The following NEDD1 variants were observed in gnomAD, a reference collection of about 807,000 sequenced individuals.
NEDD1 encodes NEDD1 gamma-tubulin ring complex targeting factor.
NEDD1 carries 33 observed loss-of-function variants against 74.0 expected under a neutral mutation model. That is an observed-to-expected ratio of 0.45 (90% CI 0.34 to 0.60). The LOEUF (loss-of-function observed/expected upper bound fraction) is 0.60. Among genes scored for constraint, NEDD1 ranks in the 20% least tolerant of loss-of-function variants. The pLI is 0.01. For missense variants in NEDD1, 746 were observed against 776.5 expected (o/e 0.96, Z 0.47); for synonymous variants, 250 against 264.4 (o/e 0.95, Z 0.53).
chr12:96,927,198 A>C (rs544665061), intron 6 of NEDD1, among the ~76,000 whole-genome samples: 9 of 152,342 alleles, frequency 5.9e-5, no homozygotes, highest in Non-Finnish European at 1.0e-4. Flanking sequence ...TCTATGAACA[A>C]TCACAAATTT....
In NEDD1 at chr12:96,937,365, A is replaced by G. The variant is rs773105392; in HGVS notation, c.1089A>G (p.Lys363=). Reference sequence around the variant, plus strand: ...AACCTATGACATCAGCTATGGGGAAAGGAACAGTTGCTGTTCAAGAAAAAG... The same window carrying G: ...AACCTATGACATCAGCTATGGGGAAGGGAACAGTTGCTGTTCAAGAAAAAG... ...LPQPMTSAMG[K]GTVAVQEKAG... is the part of the protein sequence containing the mutation. Residue 363 remains lysine (K), a synonymous_variant, in exon 9 of 16, where the codon AAA becomes AAG. Coordinates refer to ENST00000266742, the MANE Select transcript of NEDD1 (RefSeq NM_152905.4). 16 of 1,605,588 alleles carry G rather than the reference A, an allele frequency of 1.0e-5. No homozygotes were observed. The highest frequency in any genetic ancestry group is 1.3e-5 in the Non-Finnish European group (15 of 1,175,774).
intron 5 of NEDD1, among the ~76,000 whole-genome samples, chr12:96,918,784 T>C (rs1874743298): frequency 6.6e-6 from 1 of 152,214 alleles, no homozygotes; most frequent in Non-Finnish European, 1.5e-5. Context: ...CTTGCCTCTT[T>C]ATAAAGTCAT....
At chr12:96,946,558 A>G (rs967717088) in intron 14 of NEDD1, among the ~76,000 whole-genome samples, 3 of 152,208 alleles carry the variant, frequency 2.0e-5, no homozygotes, top group Admixed American at 1.3e-4. Flanking sequence ...CTTTTAAAAT[A>G]TATTTTTAAA....
intron 5 of NEDD1, among the ~76,000 whole-genome samples, chr12:96,918,905 T>G (rs562568976): frequency 6.6e-6 from 1 of 152,218 alleles, no homozygotes; most frequent in Non-Finnish European, 1.5e-5. Context: ...AGATAGCAAG[T>G]GTTCCTTGGT....
chr12:96,925,594 CTT>C (rs915969969), intron 6 of NEDD1, among the ~76,000 whole-genome samples: 1 of 152,118 alleles, frequency 6.6e-6, no homozygotes. Context: ...CTTCTGGAAA[CTT>C]TACACTATTT....
At chr12:96,915,505 G>C (rs941742176) in intron 4 of NEDD1, among the ~76,000 whole-genome samples, 1 of 152,216 alleles carries the variant, frequency 6.6e-6, no homozygotes, top group Non-Finnish European at 1.5e-5. Flanking sequence ...AAATGCAGAA[G>C]CATAGGCTCA....
At chr12:96,932,291 A>C in intron 6 of NEDD1, among the ~76,000 whole-genome samples, 1 of 149,182 alleles carries the variant, frequency 6.7e-6, no homozygotes, top group Non-Finnish European at 1.5e-5. Context: ...CTGATACTGA[A>C]ATAAGTTAAT....
chr12:96,937,276 G>C lies in NEDD1; in HGVS notation c.1000G>C (p.Gly334Arg), dbSNP rs1015507794. ...TGTTAATGTGAATGCTGCTAGTGGAGGAGTTCAGAATTCCGGAATTGTCAG... is the reference window on the plus strand; with the variant it reads ...TGTTAATGTGAATGCTGCTAGTGGACGAGTTCAGAATTCCGGAATTGTCAG... ...RSVNVNAASG[G>R]VQNSGIVREA... The change falls in exon 9 of 16, where the codon GGA becomes CGA. Residue 334 changes from glycine to arginine, a missense_variant. Physicochemically the swap from Gly to Arg is moderately radical, Grantham distance 125. Coordinates refer to ENST00000266742, the MANE Select transcript of NEDD1 (RefSeq NM_152905.4). 2 of 1,612,730 alleles carry C rather than the reference G, an allele frequency of 1.2e-6. No individual in the cohort carries two copies. Among genetic ancestry groups the C allele is most frequent in the Admixed American group, 1.7e-5 (1 of 59,936 alleles).
chr12:96,935,755 A>ATG (rs1381190279), intron 7 of NEDD1, among the ~76,000 whole-genome samples: 1 of 152,170 alleles, frequency 6.6e-6, no homozygotes. Context: ...ACTGGTGTAC[A>ATG]TAATCCTCTA....
intron 4 of NEDD1, among the ~76,000 whole-genome samples, chr12:96,916,229 A>ATTT (rs982007708): frequency 3.6e-5 from 4 of 110,930 alleles, no homozygotes; most frequent in African/African-American, 7.5e-5. Context: ...GCCGTTGAAG[A>ATTT]TTTATTATTA....
At chr12:96,943,519 T>G (rs1252762785) in intron 11 of NEDD1, 41 bp from the exon 12 acceptor site, 2 of 1,377,068 alleles carry the variant, frequency 1.5e-6, no homozygotes, top group Non-Finnish European at 2.0e-6. Flanking sequence ...TGTCCAAAAT[T>G]GGAGGACACC....
chr12:96,937,329 A>C lies in NEDD1; in HGVS notation c.1053A>C (p.Thr351=). 1 of 1,612,642 alleles carries C rather than the reference A, an allele frequency of 6.2e-7. No individual in the cohort carries two copies. Among genetic ancestry groups the C allele is most frequent in the Non-Finnish European group, 8.5e-7 (1 of 1,179,128 alleles). The change falls in exon 9 of 16, where the codon ACA becomes ACC. Residue 351 remains threonine, a synonymous_variant. Coordinates refer to ENST00000266742, the MANE Select transcript of NEDD1 (RefSeq NM_152905.4). The stretch of plus-strand genomic sequence containing the variant: ...AAGCACCTGCCACGTCCATTGCCAC[A>C]GTTCTACCACAACCTATGACATCAG... ...VREAPATSIA[T]VLPQPMTSAM...
chr12:96,937,528 AG>A (rs1316982827), intron 9 of NEDD1, 135 bp downstream of exon 9: 3 of 448,586 alleles, frequency 6.7e-6, no homozygotes, highest in African/African-American at 2.0e-5. Context: ...TAAAATTAGT[AG>A]AAGTGAAAAT....
At chr12:96,933,974 C>T (rs1876820230) in intron 6 of NEDD1, among the ~76,000 whole-genome samples, 1 of 152,170 alleles carries the variant, frequency 6.6e-6, no homozygotes, top group Admixed American at 6.5e-5. Flanking sequence ...AATATCTCCA[C>T]TACCTGCAGG....
rs964057547 is a variant in NEDD1, at chr12:96,946,479, G to A, written c.1811+630G>A. Among the ~76,000 whole-genome samples, 16 of 152,150 alleles carry A rather than the reference G, an allele frequency of 1.1e-4. No individual in the cohort carries two copies. In the East Asian group the frequency reaches 2.7e-3, roughly 26 times the overall value. The stretch of plus-strand genomic sequence containing the variant: ...TGTTGTAGCTCAGATTTGGATTACC[G>A]TAAGCAAGAATGTTGGAGAAAATGT... On this transcript the variant is annotated intron_variant, in intron 14 of 15. Coordinates refer to ENST00000266742, the MANE Select transcript of NEDD1 (RefSeq NM_152905.4).
intron 10 of NEDD1, among the ~76,000 whole-genome samples, chr12:96,941,877 G>A (rs1877695160): frequency 6.6e-6 from 1 of 152,086 alleles, no homozygotes; most frequent in African/African-American, 2.4e-5. Context: ...GCATGTACAT[G>A]CTGTGCAATT....
intron 14 of NEDD1, among the ~76,000 whole-genome samples, chr12:96,950,257 A>T (rs1436620830): frequency 6.6e-6 from 1 of 152,040 alleles, no homozygotes; most frequent in Non-Finnish European, 1.5e-5. Flanking sequence ...ATGGGAAAAT[A>T]TAAAAAATCT....
chr12:96,942,063 T>C, intron 10 of NEDD1, among the ~76,000 whole-genome samples: 1 of 152,160 alleles, frequency 6.6e-6, no homozygotes, highest in East Asian at 1.9e-4. Flanking sequence ...TATTACAGGA[T>C]TAAAATAATC....
chr12:96,929,279 A>C (rs929223701), intron 6 of NEDD1, among the ~76,000 whole-genome samples: 2 of 150,718 alleles, frequency 1.3e-5, no homozygotes, highest in Non-Finnish European at 3.0e-5. Flanking sequence ...AGATTTAAAA[A>C]ATTTCTAATT....
Sources: gnomAD v4.1 joint callset for allele counts (sites outside exome capture counted in the v4.1 genomes callset) on GRCh38, gnomAD v4.1.1 for gene constraint, MANE v1.5 for transcripts, NCBI Gene and HGNC (gene_info 2026-07-23, HGNC 2026-07-21) for gene names.